Variants in GBE1 observed in about 807,000 individuals in gnomAD.
GBE1 encodes the protein 1,4-alpha-glucan-branching enzyme.
Under a neutral mutation model 88.8 loss-of-function variants are expected in GBE1, and 70 were observed. That is an observed-to-expected ratio of 0.79 (90% CI 0.65 to 0.96). The LOEUF (loss-of-function observed/expected upper bound fraction) is 0.96. GBE1 is among the 40% of genes least tolerant of loss of function. The pLI is 0.00. For missense variants in GBE1, 872 were observed against 871.0 expected, an observed-to-expected ratio of 1.00 and a Z score of -0.01; for synonymous variants, 284 against 300.1, an observed-to-expected ratio of 0.95 and a Z score of 0.56.
intron 14 of GBE1, among the ~76,000 whole-genome samples, chr3:81,513,685 A>C (rs1277791519): frequency 6.6e-6 from 1 of 151,652 alleles, no homozygotes; most frequent in Non-Finnish European, 1.5e-5. Context: ...TTTCTAATGC[A>C]TTTTTAGAAG....
intron 1 of GBE1, among the ~76,000 whole-genome samples, chr3:81,719,555 C>T (rs546394934): frequency 6.6e-6 from 1 of 152,252 alleles, no homozygotes; most frequent in East Asian, 1.9e-4. Flanking sequence ...GAAAGAGACA[C>T]ATATGATTTT....
At chr3:81,524,890 G>C (rs1013779930) in intron 14 of GBE1, among the ~76,000 whole-genome samples, 1 of 151,766 alleles carries the variant, frequency 6.6e-6, no homozygotes, top group African/African-American at 2.4e-5. Context: ...TTGCTATTCT[G>C]GGTCTTTTAT....
chr3:81,554,285 TA>T (rs1465788415), intron 12 of GBE1, among the ~76,000 whole-genome samples: 2 of 152,186 alleles, frequency 1.3e-5, no homozygotes, highest in East Asian at 3.8e-4. Flanking sequence ...GAGAACCTTG[TA>T]AAAATGTATA....
chr3:81,522,791 G>C (rs1702893056), intron 14 of GBE1, among the ~76,000 whole-genome samples: 1 of 151,474 alleles, frequency 6.6e-6, no homozygotes, highest in African/African-American at 2.4e-5. Flanking sequence ...GTGGGAAATA[G>C]GTCAACAATA....
intron 7 of GBE1, among the ~76,000 whole-genome samples, chr3:81,603,214 C>T (rs1044295603): frequency 6.6e-5 from 10 of 152,156 alleles, no homozygotes; most frequent in African/African-American, 2.4e-4. Flanking sequence ...GCTTATAATT[C>T]ATTAAATATA....
chr3:81,491,571 G>C (rs1702435825), intron 15 of GBE1, among the ~76,000 whole-genome samples: 1 of 152,112 alleles, frequency 6.6e-6, no homozygotes, highest in Admixed American at 6.6e-5. Context: ...TTATATGCTA[G>C]TTCAAACAAC....
At chr3:81,533,442 T>C (rs571635651) in intron 14 of GBE1, among the ~76,000 whole-genome samples, 115 of 152,210 alleles carry the variant, frequency 7.6e-4, no homozygotes, top group African/African-American at 2.6e-3. Context: ...CCTCCTCTCC[T>C]AGATGCTCTG....
intron 9 of GBE1, among the ~76,000 whole-genome samples, chr3:81,590,351 A>T (rs1703860905): frequency 6.6e-6 from 1 of 152,114 alleles, no homozygotes; most frequent in Non-Finnish European, 1.5e-5. Context: ...GCTAAATTCA[A>T]TTTTAATAAT....
intron 7 of GBE1, among the ~76,000 whole-genome samples, chr3:81,601,130 G>C (rs1311864793): frequency 1.3e-5 from 2 of 152,068 alleles, no homozygotes; most frequent in South Asian, 2.1e-4. Flanking sequence ...GAGCAGAATA[G>C]AAAGGGGAAA....
intron 2 of GBE1, among the ~76,000 whole-genome samples, chr3:81,697,884 T>C (rs1705624318): frequency 1.3e-5 from 2 of 151,948 alleles, no homozygotes; most frequent in South Asian, 4.2e-4. Context: ...CGAAAGACTG[T>C]AACAAGGGAC....
At chr3:81,589,128 C>G (rs1236553133) in intron 9 of GBE1, among the ~76,000 whole-genome samples, 2 of 151,900 alleles carry the variant, frequency 1.3e-5, no homozygotes. Flanking sequence ...GAAAATGATT[C>G]TGTGTTTGGG....
At chr3:81,493,848 A>C (rs1199150305) in intron 15 of GBE1, among the ~76,000 whole-genome samples, 1 of 151,382 alleles carries the variant, frequency 6.6e-6, no homozygotes, top group Non-Finnish European at 1.5e-5. Context: ...TTTTTTTTAA[A>C]GGATGCCATA....
chr3:81,557,764 A>G (rs1703366414), intron 12 of GBE1, among the ~76,000 whole-genome samples: 1 of 152,108 alleles, frequency 6.6e-6, no homozygotes, highest in South Asian at 2.1e-4. Flanking sequence ...GTAGGGAAGC[A>G]ATAAAAGAGA....
At chr3:81,718,925 G>A (rs149578478) in intron 1 of GBE1, among the ~76,000 whole-genome samples, 76 of 151,660 alleles carry the variant, frequency 5.0e-4, no homozygotes, top group South Asian at 2.1e-3. Context: ...GTTAGCCACC[G>A]CGCCCTGCCC....
intron 8 of GBE1, 39 bp from the exon 9 acceptor site, chr3:81,591,203 C>G (rs1308568781): frequency 1.3e-6 from 2 of 1,518,520 alleles, no homozygotes; most frequent in Non-Finnish European, 1.8e-6. Context: ...ATTATGTTAA[C>G]AAGCAAGTCT....
intron 12 of GBE1, among the ~76,000 whole-genome samples, chr3:81,560,883 T>C (rs1469795626): frequency 2.0e-5 from 3 of 151,982 alleles, no homozygotes; most frequent in African/African-American, 7.2e-5. Context: ...TTCCTAAGTG[T>C]ATTTTTAGGG....
At chr3:81,524,734 T>C (rs1325236756) in intron 14 of GBE1, among the ~76,000 whole-genome samples, 2 of 151,912 alleles carry the variant, frequency 1.3e-5, no homozygotes, top group Non-Finnish European at 1.5e-5. Context: ...CATGGATTGA[T>C]TTCTGGTTTT....
At chr3:81,523,161 ATAATATATATAATACATATAT>A (rs1702896423) in intron 14 of GBE1, among the ~76,000 whole-genome samples, 1 of 150,302 alleles carries the variant, frequency 6.7e-6, no homozygotes, top group African/African-American at 2.4e-5. Flanking sequence ...ACTATGCTAT[ATAATATATATAATACATATAT>A]TATTATGTAT....
intron 10 of GBE1, among the ~76,000 whole-genome samples, chr3:81,581,935 A>G (rs998817538): frequency 1.3e-5 from 2 of 151,984 alleles, no homozygotes; most frequent in Non-Finnish European, 2.9e-5. Flanking sequence ...GATACTTGCT[A>G]TACATATTGA....
Sources: allele counts gnomAD v4.1 joint callset (sites outside exome capture counted in the v4.1 genomes callset), GRCh38; gene constraint gnomAD v4.1.1; transcripts MANE v1.5; gene names NCBI Gene and HGNC (gene_info 2026-07-23, HGNC 2026-07-21).